The following PLCL1 variants were observed in gnomAD, a reference collection of about 807,000 sequenced individuals.
PLCL1 encodes the protein inactive phospholipase C-like protein 1.
Under a neutral mutation model 84.4 loss-of-function variants are expected in PLCL1, and 41 were observed. That is an observed-to-expected ratio of 0.49 (90% CI 0.38 to 0.63). The LOEUF is 0.63. PLCL1 is among the 30% of genes least tolerant of loss of function. PLCL1 has a pLI of 0.00. For synonymous variants in PLCL1, 490 were observed against 488.3 expected, an observed-to-expected ratio of 1.00 and a Z score of -0.05; for missense variants, 1,206 against 1,367.8, an observed-to-expected ratio of 0.88 and a Z score of 1.87.
chr2:198,122,851 A>G (rs1283949756), intron 5 of PLCL1, among the ~76,000 whole-genome samples: 1 of 152,142 alleles, frequency 6.6e-6, no homozygotes, highest in East Asian at 1.9e-4. Context: ...AGTGTTTTGT[A>G]CTTATTAAAT....
At chr2:197,897,512 A>G (rs1359117333) in intron 1 of PLCL1, among the ~76,000 whole-genome samples, 3 of 152,076 alleles carry the variant, frequency 2.0e-5, no homozygotes, top group Non-Finnish European at 4.4e-5. Flanking sequence ...TAGTTTTCTT[A>G]TCTAAAATAT....
At chr2:197,857,093 A>G (rs759933304) in intron 1 of PLCL1, among the ~76,000 whole-genome samples, 8 of 152,154 alleles carry the variant, frequency 5.3e-5, no homozygotes, top group Non-Finnish European at 1.2e-4. Context: ...ATGTTTACCT[A>G]TGTAACAAAC....
chr2:198,103,283 T>A (rs897925249), intron 4 of PLCL1, among the ~76,000 whole-genome samples: 2 of 152,014 alleles, frequency 1.3e-5, no homozygotes, highest in African/African-American at 2.4e-5. Context: ...TATTAAAATT[T>A]TTTTTAATTT....
chr2:198,102,377 T>C (rs1312301231), intron 4 of PLCL1, among the ~76,000 whole-genome samples: 1 of 152,076 alleles, frequency 6.6e-6, no homozygotes, highest in Non-Finnish European at 1.5e-5. Context: ...GAGACTCACA[T>C]AGCTAGTAAG....
chr2:197,882,089 A>G (rs1443367834), intron 1 of PLCL1, among the ~76,000 whole-genome samples: 3 of 152,146 alleles, frequency 2.0e-5, no homozygotes, highest in African/African-American at 7.2e-5. Context: ...ACCCCAAATT[A>G]TAAATATTTA....
intron 1 of PLCL1, among the ~76,000 whole-genome samples, chr2:197,839,173 C>G (rs1392483541): frequency 6.6e-6 from 1 of 152,174 alleles, no homozygotes; most frequent in African/African-American, 2.4e-5. Context: ...TTCACTAACA[C>G]AAGATTTTGC....
In PLCL1 at chr2:197,850,031, GACACACACACACAC is replaced by G. The variant is rs5837563; in HGVS notation, c.240+44727_240+44740del. Among the ~76,000 whole-genome samples, 636 of 135,030 alleles carry G rather than the reference GACACACACACACAC, an allele frequency of 4.7e-3. 11 individuals are homozygous for G. The highest frequency in any genetic ancestry group is 0.015 in the African/African-American group (563 of 36,962). 88.6% of individuals were successfully genotyped at this position (135,030 alleles called of 152,430 possible). A position where few individuals can be genotyped will look rare whatever the true frequency, so the allele number is the denominator to read the frequency against. ...ACACACAGACACACAGACACACACA[GACACACACACACAC>G]ACACACACACACACACACACACACA... On this transcript the variant is annotated intron_variant, in intron 1 of 5. Coordinates refer to ENST00000428675, the MANE Select transcript of PLCL1 (RefSeq NM_006226.4).
At chr2:197,865,758 A>T (rs1462407208) in intron 1 of PLCL1, among the ~76,000 whole-genome samples, 2 of 151,798 alleles carry the variant, frequency 1.3e-5, no homozygotes, top group African/African-American at 4.8e-5. Flanking sequence ...CACACCTGTA[A>T]TCCCAGCACT....
At chr2:197,860,908 A>G (rs1020568116) in intron 1 of PLCL1, among the ~76,000 whole-genome samples, 1 of 152,104 alleles carries the variant, frequency 6.6e-6, no homozygotes, top group Non-Finnish European at 1.5e-5. Flanking sequence ...TTTTATTGCA[A>G]TTGCTTTTGG....
intron 5 of PLCL1, among the ~76,000 whole-genome samples, chr2:198,135,183 G>A (rs779554767): frequency 6.6e-6 from 1 of 152,018 alleles, no homozygotes. Flanking sequence ...TTCTGTATTC[G>A]GCTTATGACA....
At chr2:198,035,894 G>A (rs1347378712) in intron 1 of PLCL1, among the ~76,000 whole-genome samples, 5 of 152,032 alleles carry the variant, frequency 3.3e-5, no homozygotes, top group African/African-American at 9.7e-5. Context: ...AAAATTAGCC[G>A]GGCATGGGGT....
chr2:197,924,900 T>G (rs1296260342), intron 1 of PLCL1, among the ~76,000 whole-genome samples: 1 of 152,140 alleles, frequency 6.6e-6, no homozygotes, highest in Non-Finnish European at 1.5e-5. Flanking sequence ...GAACTGATCA[T>G]AGAATAAAGT....
intron 1 of PLCL1, among the ~76,000 whole-genome samples, chr2:198,015,972 T>C (rs1690988113): frequency 6.6e-6 from 1 of 152,194 alleles, no homozygotes; most frequent in Admixed American, 6.5e-5. Context: ...TAAATTACAA[T>C]AGATTGTATA....
At chr2:197,955,236 G>A (rs1245736843) in intron 1 of PLCL1, among the ~76,000 whole-genome samples, 1 of 151,854 alleles carries the variant, frequency 6.6e-6, no homozygotes, top group Non-Finnish European at 1.5e-5. Context: ...AACCCAGATG[G>A]GATCAGGTAA....
intron 5 of PLCL1, among the ~76,000 whole-genome samples, chr2:198,138,688 C>T (rs555072699): frequency 1.8e-3 from 277 of 152,156 alleles, no homozygotes; most frequent in African/African-American, 6.6e-3. Flanking sequence ...TCCACTTGAC[C>T]ATATAATTGC....
intron 1 of PLCL1, among the ~76,000 whole-genome samples, chr2:197,866,907 A>T (rs1687560521): frequency 6.6e-6 from 1 of 152,182 alleles, no homozygotes; most frequent in Non-Finnish European, 1.5e-5. Flanking sequence ...CCCCATGGCG[A>T]TCATCGTTTG....
At chr2:198,048,968 A>C (rs550650391) in intron 1 of PLCL1, among the ~76,000 whole-genome samples, 1 of 152,192 alleles carries the variant, frequency 6.6e-6, no homozygotes, top group Non-Finnish European at 1.5e-5. Flanking sequence ...TTATGCCTCA[A>C]GTTGAGCAGA....
At chr2:197,889,304 G>C in intron 1 of PLCL1, among the ~76,000 whole-genome samples, 1 of 152,146 alleles carries the variant, frequency 6.6e-6, no homozygotes, top group East Asian at 1.9e-4. Context: ...TCTGCTACAT[G>C]TTTGGGGTTT....
chr2:198,080,992 T>C (rs1343662535), intron 1 of PLCL1, among the ~76,000 whole-genome samples: 2 of 152,220 alleles, frequency 1.3e-5, no homozygotes, highest in Non-Finnish European at 2.9e-5. Context: ...TAAGGAGATA[T>C]GGCAGAGAAG....
Sources: allele counts gnomAD v4.1 joint callset (sites outside exome capture counted in the v4.1 genomes callset), GRCh38; gene constraint gnomAD v4.1.1; transcripts MANE v1.5; gene names NCBI Gene and HGNC (gene_info 2026-07-23, HGNC 2026-07-21).